The following GGA2 variants were observed in gnomAD, a reference collection of about 807,000 sequenced individuals.
The protein encoded by GGA2 is ADP-ribosylation factor-binding protein GGA2.
Under a neutral mutation model 79.5 loss-of-function variants are expected in GGA2, and 48 were observed. The observed-to-expected ratio is 0.60, with a 90% CI of 0.48 to 0.77. The LOEUF (loss-of-function observed/expected upper bound fraction) is 0.77. Ranked by LOEUF, GGA2 falls within the 30% of genes least tolerant of loss-of-function variation. The pLI is 0.00. For synonymous variants in GGA2, 317 were observed against 302.0 expected, an observed-to-expected ratio of 1.05 and a Z score of -0.51; for missense variants, 770 against 774.0, an observed-to-expected ratio of 0.99 and a Z score of 0.06.
chr16:23,510,448 G>A lies in GGA2; in HGVS notation c.-37C>T. 5 of 803,784 alleles carry A rather than the reference G, an allele frequency of 6.2e-6. No homozygotes were observed. Among genetic ancestry groups the A allele is most frequent in the Non-Finnish European group, 5.2e-6 (3 of 581,212 alleles). The allele number at this position is 803,784 out of a possible 1,614,324, so 49.8% of individuals were successfully genotyped here. A position where few individuals can be genotyped will look rare whatever the true frequency, so the allele number is the denominator to read the frequency against. On this transcript the variant is annotated 5_prime_UTR_variant, in exon 1 of 17. Coordinates refer to ENST00000309859, the MANE Select transcript of GGA2 (RefSeq NM_015044.4). ...CGACGCTGCGGCCGCGGGCGCCACT[G>A]CCTCTTCAGCCGCTGTAGCGTCCTG...
At chr16:23,493,551 G>T in intron 3 of GGA2, 93 bp from the exon 4 acceptor site, 1 of 817,254 alleles carries the variant, frequency 1.2e-6, no homozygotes, top group Non-Finnish European at 2.1e-6. Context: ...GACTGCGCTG[G>T]AACCAAGGCT....
At chr16:23,502,529 CA>C (rs1964931766) in intron 1 of GGA2, among the ~76,000 whole-genome samples, 2 of 152,318 alleles carry the variant, frequency 1.3e-5, no homozygotes, top group South Asian at 4.1e-4. Flanking sequence ...CAGCAATTGT[CA>C]ACAAAAGCCT....
chr16:23,498,477 C>T (rs1964882854), intron 1 of GGA2, among the ~76,000 whole-genome samples: 1 of 151,950 alleles, frequency 6.6e-6, no homozygotes, highest in East Asian at 1.9e-4. Flanking sequence ...GCCTGTAATC[C>T]CAGCACTTTG....
intron 14 of GGA2, 98 bp downstream of exon 14, chr16:23,474,806 T>G: frequency 1.1e-6 from 1 of 932,656 alleles, no homozygotes; most frequent in East Asian, 2.4e-5. Context: ...TCAACCAAAT[T>G]TAAGGGCCAC....
chr16:23,484,353 A>G (rs999623250), intron 8 of GGA2, among the ~76,000 whole-genome samples: 7 of 152,058 alleles, frequency 4.6e-5, no homozygotes, highest in Non-Finnish European at 7.4e-5. Context: ...GGGAGGCAGA[A>G]GTCGTGCGGA....
In GGA2 at chr16:23,486,794, CAG is replaced by C. The variant is rs749160907; in HGVS notation, c.580-6_580-5del. Reference sequence around the variant, plus strand: ...TCTTTAGAAGCCTTGTCAGAAGCTGCAGAGAGTGAACAGGAAGAGTAGGTGAG... The same window carrying C: ...TCTTTAGAAGCCTTGTCAGAAGCTGCAGAGTGAACAGGAAGAGTAGGTGAG... On this transcript the variant is annotated splice_polypyrimidine_tract_variant and splice_region_variant and intron_variant, in intron 6 of 16. Transcript: ENST00000309859. 1.7e-5 allele frequency: 27 copies of C among 1,587,240 alleles called. No homozygotes were observed. The highest frequency in any genetic ancestry group is 2.2e-5 in the Non-Finnish European group (25 of 1,155,620).
upstream of GGA2, among the ~76,000 whole-genome samples, chr16:23,513,526 G>T (rs187707361): frequency 1.7e-3 from 266 of 152,264 alleles, 3 homozygotes; most frequent in Non-Finnish European, 9.7e-4. Context: ...GCTCACACCT[G>T]TAATCCCAGC....
At chr16:23,521,705 A>C in intron 1 of GGA2, 1 of 454,420 alleles carries the variant, frequency 2.2e-6, no homozygotes. Flanking sequence ...CATTTCATTT[A>C]GCATGAAGTC....
intron 1 of GGA2, among the ~76,000 whole-genome samples, chr16:23,521,013 A>C (rs1965137866): frequency 6.6e-6 from 1 of 152,062 alleles, no homozygotes; most frequent in African/African-American, 2.4e-5. Context: ...GCTGGTCTTG[A>C]ACTCCCGGCC....
Position 23,464,991 on chromosome 16 carries a change from G to C in GGA2, c.*2599C>G. 3.4e-6 allele frequency: 1 copy of C among 292,802 alleles called. No homozygotes were observed. The highest frequency in any genetic ancestry group is 6.5e-6 in the Non-Finnish European group (1 of 154,888). 18.1% of individuals were successfully genotyped at this position (292,802 alleles called of 1,614,324 possible). On this transcript the variant is annotated 3_prime_UTR_variant, in exon 17 of 17. Coordinates refer to ENST00000309859, the MANE Select transcript of GGA2 (RefSeq NM_015044.4). ...AGGAAAAAGAGCAGTCACGGAGGTAGGTCACGAAATGGGTCAACAGGACCC... is the reference window on the plus strand; with the variant it reads ...AGGAAAAAGAGCAGTCACGGAGGTACGTCACGAAATGGGTCAACAGGACCC...
rs150854450 is a variant in GGA2 at position 23,486,036 on chromosome 16, C to T, written c.777G>A (p.Pro259=). ...LSMYRRPGQA[P]PDQEALQVVY... ...TTACCTGCAGGGCCTCCTGGTCGGGCGGGGCCTGCCCTGGCCTGCGGTACA... is the reference window on the plus strand; with the variant it reads ...TTACCTGCAGGGCCTCCTGGTCGGGTGGGGCCTGCCCTGGCCTGCGGTACA... Residue 259 remains proline, a synonymous_variant, in exon 8 of 17, where the codon CCG becomes CCA. Transcript: ENST00000309859. 10 of 1,614,096 alleles carry T rather than the reference C, an allele frequency of 6.2e-6. No homozygotes were observed. In the Admixed American group the frequency reaches 8.3e-5, roughly 13 times the overall value.
intron 2 of GGA2, among the ~76,000 whole-genome samples, chr16:23,494,737 C>T (rs141116445): frequency 3.2e-4 from 48 of 152,342 alleles, no homozygotes; most frequent in African/African-American, 9.6e-4. Flanking sequence ...GCAGAAAGTG[C>T]GATCAAACTC....
chr16:23,484,885 C>G (rs908970525), intron 8 of GGA2, among the ~76,000 whole-genome samples: 2 of 152,202 alleles, frequency 1.3e-5, no homozygotes, highest in Admixed American at 6.5e-5. Flanking sequence ...GAATTTAAAA[C>G]CTATGTTCAC....
chr16:23,468,936 T>C lies in GGA2; in HGVS notation c.1681A>G (p.Met561Val). 1 of 1,612,266 alleles carries C rather than the reference T, an allele frequency of 6.2e-7. No homozygotes were observed. The highest frequency in any genetic ancestry group is 1.3e-5 in the African/African-American group (1 of 75,012). The change falls in exon 16 of 17, where the codon ATG becomes GTG. Residue 561 changes from methionine to valine, a missense_variant. Transcript: ENST00000309859. ...ATCTGAGATATCACAGCTGGAGGCA[T>C]CAAAGGACTGAATGCAGGAAGCTTG... ...SSKLPAFSPLMPPAVISQMLL... is the reference protein window; with the variant it reads ...SSKLPAFSPLVPPAVISQMLL...
chr16:23,495,420 C>T (rs1957376523), intron 2 of GGA2: 1 of 252,532 alleles, frequency 4.0e-6, no homozygotes. Flanking sequence ...ATAATGTTCT[C>T]AGGATTATAG....
chr16:23,515,145 A>G (rs1340470456), upstream of GGA2, among the ~76,000 whole-genome samples: 1 of 151,208 alleles, frequency 6.6e-6, no homozygotes, highest in African/African-American at 2.4e-5. Context: ...AATCTAAAAG[A>G]GATAATATAT....
chr16:23,510,431 C>G lies in GGA2; in HGVS notation c.-20G>C, dbSNP rs1329302205. The G allele has an allele frequency of 3.5e-5, 34 of 971,456 alleles. No homozygotes were observed. The highest frequency in any genetic ancestry group is 4.5e-5 in the Non-Finnish European group (33 of 732,536). The allele number at this position is 971,456 out of a possible 1,614,324, so 60.2% of individuals were successfully genotyped here. On this transcript the variant is annotated 5_prime_UTR_variant, in exon 1 of 17. Transcript: ENST00000309859. Reference sequence around the variant, plus strand: ...CGCCATCGCTCCAGCCCCGACGCTGCGGCCGCGGGCGCCACTGCCTCTTCA... The same window carrying G: ...CGCCATCGCTCCAGCCCCGACGCTGGGGCCGCGGGCGCCACTGCCTCTTCA...
intron 3 of GGA2, chr16:23,493,986 C>T (rs908439704): frequency 5.1e-6 from 2 of 391,636 alleles, no homozygotes; most frequent in Non-Finnish European, 9.4e-6. Flanking sequence ...AGCTAGTGGG[C>T]CCTGTGCTAG....
intron 2 of GGA2, among the ~76,000 whole-genome samples, chr16:23,516,948 C>G (rs1407389604): frequency 6.6e-6 from 1 of 151,532 alleles, no homozygotes; most frequent in Non-Finnish European, 1.5e-5. Context: ...GCTGCAGATG[C>G]TGTGGCCAGG....
Sources: allele counts gnomAD v4.1 joint callset (sites outside exome capture counted in the v4.1 genomes callset), GRCh38; gene constraint gnomAD v4.1.1; transcripts MANE v1.5; gene names NCBI Gene and HGNC (gene_info 2026-07-23, HGNC 2026-07-21).